ABLIM1: variants seen among roughly 807,000 people sequenced by gnomAD.
ABLIM1 encodes actin binding LIM protein 1.
In ABLIM1, 40 loss-of-function variants were observed where a neutral mutation model predicts 107.0. The observed-to-expected ratio is 0.37, with a 90% CI of 0.29 to 0.49. The LOEUF (loss-of-function observed/expected upper bound fraction) is 0.49. ABLIM1 is among the 20% of genes least tolerant of loss of function. The pLI, the probability that ABLIM1 is intolerant of heterozygous loss-of-function variation, is 0.97. For missense variants in ABLIM1, 857 were observed against 1,008.5 expected (o/e 0.85, Z 2.04); for synonymous variants, 357 against 357.3 (o/e 1.00, Z 0.01).
intron 1 of ABLIM1, among the ~76,000 whole-genome samples, chr10:114,604,631 C>A (rs1486406903): frequency 6.6e-6 from 1 of 152,216 alleles, no homozygotes; most frequent in African/African-American, 2.4e-5. Flanking sequence ...AATTTAAGAG[C>A]TATTTCCCTT....
intron 12 of ABLIM1, among the ~76,000 whole-genome samples, chr10:114,461,537 G>A (rs921848285): frequency 4.6e-5 from 7 of 151,768 alleles, no homozygotes; most frequent in African/African-American, 4.8e-5. Flanking sequence ...ATAATCTGTC[G>A]GCTGAGCATG....
chr10:114,699,370 T>C (rs2081262301), intron 1 of ABLIM1, among the ~76,000 whole-genome samples: 1 of 152,194 alleles, frequency 6.6e-6, no homozygotes, highest in African/African-American at 2.4e-5. Context: ...ATTTGCATAA[T>C]TTTAATGTTA....
intron 1 of ABLIM1, among the ~76,000 whole-genome samples, chr10:114,634,746 C>T (rs1221767520): frequency 2.0e-5 from 3 of 152,096 alleles, no homozygotes. Flanking sequence ...GAGTCACCAG[C>T]ATCTAGTTGC....
chr10:114,588,794 C>A (rs1336029236), intron 2 of ABLIM1, among the ~76,000 whole-genome samples: 2 of 151,950 alleles, frequency 1.3e-5, no homozygotes, highest in African/African-American at 4.8e-5. Flanking sequence ...CATGAGTCAC[C>A]GCGTCTGGCC....
intron 1 of ABLIM1, among the ~76,000 whole-genome samples, chr10:114,704,302 C>CTCTATATATATATATATA (rs1380460034): frequency 4.6e-5 from 2 of 43,054 alleles, no homozygotes; most frequent in Non-Finnish European, 9.5e-5. Flanking sequence ...CTCTCTCTCT[C>CTCTATATATATATATATA]TATATATATA....
chr10:114,713,498 G>A (rs2081596257), intron 1 of ABLIM1, among the ~76,000 whole-genome samples: 2 of 152,174 alleles, frequency 1.3e-5, no homozygotes, highest in African/African-American at 4.8e-5. Context: ...CAAAAACAGG[G>A]ATAGTCCGGA....
intron 12 of ABLIM1, among the ~76,000 whole-genome samples, chr10:114,458,133 GTACA>G (rs990340105): frequency 8.4e-6 from 1 of 119,056 alleles, no homozygotes; most frequent in African/African-American, 3.5e-5. Flanking sequence ...TAATACAATA[GTACA>G]TATATATATA....
At chr10:114,450,037 G>A (rs1357401368) in intron 14 of ABLIM1, 4 of 297,394 alleles carry the variant, frequency 1.3e-5, no homozygotes, top group Admixed American at 5.3e-5. Context: ...TCAGAGAGGA[G>A]GACCTAAAGA....
At chr10:114,575,123 C>T (rs2072326030) in intron 3 of ABLIM1, among the ~76,000 whole-genome samples, 1 of 152,186 alleles carries the variant, frequency 6.6e-6, no homozygotes, top group Admixed American at 6.5e-5. Flanking sequence ...GCAGTTATGC[C>T]ATTTCCCCCT....
the ABLIM1 span, among the ~76,000 whole-genome samples, chr10:114,794,282 A>G: frequency 3.3e-5 from 5 of 152,178 alleles, no homozygotes; most frequent in Non-Finnish European, 7.3e-5. Flanking sequence ...ACCATTTGAT[A>G]TATTATATCT....
chr10:114,658,694 A>G (rs2079642708), upstream of ABLIM1, among the ~76,000 whole-genome samples: 1 of 152,220 alleles, frequency 6.6e-6, no homozygotes, highest in Admixed American at 6.5e-5. Flanking sequence ...AAGGCTCGAT[A>G]AAGATCCTCA....
At chr10:114,672,848 C>A (rs141907930) in intron 1 of ABLIM1, among the ~76,000 whole-genome samples, 245 of 152,304 alleles carry the variant, frequency 1.6e-3, no homozygotes, top group African/African-American at 5.5e-3. Flanking sequence ...GCTCCAGCAT[C>A]ATTTACTGAA....
chr10:114,467,789 C>G (rs1261828589), intron 11 of ABLIM1, among the ~76,000 whole-genome samples: 1 of 152,196 alleles, frequency 6.6e-6, no homozygotes, highest in East Asian at 1.9e-4. Flanking sequence ...AACCTCCCAT[C>G]AAGATGGCTC....
At chr10:114,759,974 T>C (rs1227769340) in intron 1 of ABLIM1, among the ~76,000 whole-genome samples, 1 of 152,208 alleles carries the variant, frequency 6.6e-6, no homozygotes, top group Admixed American at 6.5e-5. Flanking sequence ...ATCAGCCCAT[T>C]TGTCCCAACC....
At chr10:114,624,430 T>A (rs1013216617) in intron 1 of ABLIM1, among the ~76,000 whole-genome samples, 2 of 152,214 alleles carry the variant, frequency 1.3e-5, no homozygotes, top group East Asian at 1.9e-4. Flanking sequence ...AAAGTCAATT[T>A]GTCGTTCTTT....
rs369679969 is a variant in ABLIM1, at chr10:114,670,649, C to T, written c.64+13641G>A. Reference sequence around the variant, plus strand: ...CTGATACTACAGGCATGTGCCACCACGCCCAGCTAATTTTTGTATTTTTTT... The same window carrying T: ...CTGATACTACAGGCATGTGCCACCATGCCCAGCTAATTTTTGTATTTTTTT... On this transcript the variant is annotated intron_variant, in intron 1 of 23. Transcript: ENST00000369256. Among the ~76,000 whole-genome samples the T allele has an allele frequency of 8.6e-3, 1,317 of 152,256 alleles. 14 individuals carry two copies. The highest frequency in any genetic ancestry group is 0.029 in the African/African-American group (1,191 of 41,560).
intron 1 of ABLIM1, among the ~76,000 whole-genome samples, chr10:114,602,977 T>C (rs186513441): frequency 1.3e-5 from 2 of 152,214 alleles, no homozygotes; most frequent in African/African-American, 4.8e-5. Context: ...AGAATGCAGA[T>C]AGGCAGTGTT....
chr10:114,704,840 A>G (rs2081388962), intron 1 of ABLIM1, among the ~76,000 whole-genome samples: 1 of 152,202 alleles, frequency 6.6e-6, no homozygotes. Context: ...CGTCAAGCCC[A>G]ACTTCAGCGC....
intron 7 of ABLIM1, among the ~76,000 whole-genome samples, chr10:114,488,749 T>C (rs1212761866): frequency 1.3e-5 from 2 of 152,292 alleles, no homozygotes; most frequent in East Asian, 1.9e-4. Context: ...AAAACACTTA[T>C]CTCCAATAGA....
Sources: gnomAD v4.1 joint callset for allele counts (sites outside exome capture counted in the v4.1 genomes callset) on GRCh38, gnomAD v4.1.1 for gene constraint, MANE v1.5 for transcripts, NCBI Gene and HGNC (gene_info 2026-07-23, HGNC 2026-07-21) for gene names.